EAF2: variants seen among roughly 807,000 people sequenced by gnomAD.
EAF2 encodes ELL-associated factor 2.
In EAF2, 29 loss-of-function variants were observed where a neutral mutation model predicts 29.4. The observed-to-expected ratio is 0.99, with a 90% CI of 0.73 to 1.35. The LOEUF (loss-of-function observed/expected upper bound fraction) is 1.35. Ranked by LOEUF, EAF2 falls within the 40% of genes most tolerant of loss-of-function variation. EAF2 has a pLI of 0.00. For synonymous variants in EAF2, 103 were observed against 102.5 expected, an observed-to-expected ratio of 1.00 and a Z score of -0.03; for missense variants, 292 against 312.0, an observed-to-expected ratio of 0.94 and a Z score of 0.48.
chr3:121,838,444 C>T (rs147460932), intron 1 of EAF2, among the ~76,000 whole-genome samples: 35 of 152,252 alleles, frequency 2.3e-4, no homozygotes, highest in African/African-American at 8.4e-4. Flanking sequence ...CCACTTGAAA[C>T]TCGGAAGTTA....
chr3:121,840,530 G>T (rs1708399210), intron 1 of EAF2, among the ~76,000 whole-genome samples: 1 of 118,888 alleles, frequency 8.4e-6, no homozygotes, highest in Admixed American at 1.0e-4. Context: ...AACGGGCCGG[G>T]TGCGGTGGCT....
At chr3:121,854,951 T>C in intron 3 of EAF2, 128 bp downstream of exon 3, 1 of 976,050 alleles carries the variant, frequency 1.0e-6, no homozygotes, top group Non-Finnish European at 1.4e-6. Flanking sequence ...TTTTAATCTT[T>C]TTCTAAGTTT....
Position 121,875,461 on chromosome 3 carries a change from C to G in EAF2, c.736+2673C>G, listed in dbSNP as rs556873042. Among the ~76,000 whole-genome samples, 20 of 151,900 alleles carry G rather than the reference C, an allele frequency of 1.3e-4. No homozygotes were observed. The East Asian group carries it at 3.3e-3, about 25-fold the overall frequency. ...GTTTCTGGTAATGGAGCTCAGAGGACTAGGTGGAACGAACTACAAAACCCT... is the reference window on the plus strand; with the variant it reads ...GTTTCTGGTAATGGAGCTCAGAGGAGTAGGTGGAACGAACTACAAAACCCT... On this transcript the variant is annotated intron_variant, in intron 5 of 5. Coordinates refer to ENST00000273668, the MANE Select transcript of EAF2 (RefSeq NM_018456.6).
At chr3:121,873,038 T>C (rs1423760292) in intron 5 of EAF2, 3 of 722,230 alleles carry the variant, frequency 4.2e-6, no homozygotes, top group Non-Finnish European at 7.4e-6. Flanking sequence ...CTCTGCTCAG[T>C]CATTAAAGTT....
intron 2 of EAF2, among the ~76,000 whole-genome samples, chr3:121,852,388 T>A (rs548665394): frequency 2.0e-5 from 3 of 152,288 alleles, no homozygotes; most frequent in African/African-American, 7.2e-5. Context: ...AGACCCACTT[T>A]GTTTGGTTAT....
At chr3:121,868,710 G>A (rs1708964452) in intron 4 of EAF2, among the ~76,000 whole-genome samples, 1 of 152,150 alleles carries the variant, frequency 6.6e-6, no homozygotes, top group South Asian at 2.1e-4. Context: ...ACTGAACTGA[G>A]AAAAACGTGA....
chr3:121,871,368 T>C (rs1576653931), intron 4 of EAF2, among the ~76,000 whole-genome samples: 2 of 152,060 alleles, frequency 1.3e-5, no homozygotes, highest in Admixed American at 1.3e-4. Flanking sequence ...AAATGGTGAT[T>C]AGTGACTGGA....
intron 1 of EAF2, among the ~76,000 whole-genome samples, chr3:121,840,515 A>AAAAAAAAAC (rs1167466790): frequency 0.019 from 1,851 of 97,754 alleles, 167 homozygotes; most frequent in Admixed American, 0.032. Context: ...AAAAGAAAAA[A>AAAAAAAAAC]AAAAAACGGG....
At chr3:121,882,723 A>T (rs1709210817) in intron 5 of EAF2, among the ~76,000 whole-genome samples, 1 of 151,974 alleles carries the variant, frequency 6.6e-6, no homozygotes, top group African/African-American at 2.4e-5. Context: ...GATGCAAAAG[A>T]TATATGCGAA....
At chr3:121,846,665 G>A (rs1708535416) in intron 2 of EAF2, among the ~76,000 whole-genome samples, 1 of 151,620 alleles carries the variant, frequency 6.6e-6, no homozygotes, top group African/African-American at 2.4e-5. Context: ...ATTGTCTCAG[G>A]CTATACAGTA....
chr3:121,863,610 T>G (rs1283738388), intron 4 of EAF2, among the ~76,000 whole-genome samples: 1 of 152,130 alleles, frequency 6.6e-6, no homozygotes, highest in Non-Finnish European at 1.5e-5. Flanking sequence ...ACAGCTGCCC[T>G]TTGCTAGGAA....
At chr3:121,857,425 G>C (rs1708739682) in intron 4 of EAF2, among the ~76,000 whole-genome samples, 1 of 151,454 alleles carries the variant, frequency 6.6e-6, no homozygotes, top group Non-Finnish European at 1.5e-5. Flanking sequence ...CCAGGAGGCA[G>C]AGGTTGCAGT....
chr3:121,884,496 C>T (rs963567289), intron 5 of EAF2, among the ~76,000 whole-genome samples: 5 of 151,066 alleles, frequency 3.3e-5, no homozygotes, highest in Admixed American at 6.6e-5. Flanking sequence ...GGCGTGATCT[C>T]GGCTTACTGC....
intron 4 of EAF2, among the ~76,000 whole-genome samples, chr3:121,867,444 T>C (rs1416751871): frequency 1.3e-5 from 2 of 152,146 alleles, no homozygotes; most frequent in East Asian, 3.8e-4. Flanking sequence ...TTGGTTAACA[T>C]CCTATTTCTC....
intron 5 of EAF2, among the ~76,000 whole-genome samples, chr3:121,886,056 C>T (rs569985933): frequency 1.7e-4 from 26 of 151,728 alleles, no homozygotes; most frequent in Middle Eastern, 3.4e-3. Flanking sequence ...TCTCATTTCC[C>T]GATTTAATTA....
chr3:121,874,429 A>C (rs2107542423), intron 5 of EAF2, among the ~76,000 whole-genome samples: 1 of 152,014 alleles, frequency 6.6e-6, no homozygotes. Context: ...TGGTTGTACT[A>C]AATGAGAATC....
intron 4 of EAF2, among the ~76,000 whole-genome samples, chr3:121,859,419 T>C (rs1425690353): frequency 6.6e-6 from 1 of 152,136 alleles, no homozygotes; most frequent in Non-Finnish European, 1.5e-5. Context: ...GGTATTTTAT[T>C]CTCTTTGAAG....
chr3:121,864,723 G>A (rs1489539542), intron 4 of EAF2, among the ~76,000 whole-genome samples: 1 of 151,992 alleles, frequency 6.6e-6, no homozygotes, highest in Non-Finnish European at 1.5e-5. Flanking sequence ...GGCTAAGCTG[G>A]GAGGATTACT....
chr3:121,857,894 C>G (rs142085047), intron 4 of EAF2, among the ~76,000 whole-genome samples: 4 of 152,126 alleles, frequency 2.6e-5, no homozygotes, highest in African/African-American at 9.7e-5. Flanking sequence ...TGTTCAATTC[C>G]CACCTATGAG....
Sources: gnomAD v4.1 joint callset for allele counts (sites outside exome capture counted in the v4.1 genomes callset) on GRCh38, gnomAD v4.1.1 for gene constraint, MANE v1.5 for transcripts, NCBI Gene and HGNC (gene_info 2026-07-23, HGNC 2026-07-21) for gene names.